The following SGMS1 variants were observed in gnomAD, a reference collection of about 807,000 sequenced individuals.
SGMS1 encodes the protein phosphatidylcholine:ceramide cholinephosphotransferase 1.
A neutral mutation model predicts 46.2 loss-of-function variants in SGMS1; 13 were observed. That is an observed-to-expected ratio of 0.28 (90% CI 0.18 to 0.45). SGMS1 has a LOEUF of 0.45. Ranked by LOEUF, SGMS1 falls within the 20% of genes least tolerant of loss-of-function variation. The pLI is 1.00. For synonymous variants in SGMS1, 203 were observed against 187.8 expected, an observed-to-expected ratio of 1.08 and a Z score of -0.66; for missense variants, 324 against 519.9, an observed-to-expected ratio of 0.62 and a Z score of 3.66.
chr10:50,493,706 A>G (rs542149487), intron 3 of SGMS1, among the ~76,000 whole-genome samples: 2 of 142,070 alleles, frequency 1.4e-5, no homozygotes, highest in Admixed American at 6.8e-5. Flanking sequence ...CAATCATATG[A>G]AAAAAAAAAA....
chr10:50,307,382 T>G lies in SGMS1; in HGVS notation c.1063-61A>C, dbSNP rs757714201. ...AATCTTTCACTTTAAGTTCAAATAC[T>G]TGCCACGCTAAAATTCCCAAAGGAC... On this transcript the variant is annotated intron_variant, in intron 10 of 10. Transcript: ENST00000361781. This position sits in a 1 kb window ranked among gnomAD's most constrained non-coding sequence, Gnocchi z 4.2. The G allele has an allele frequency of 6.6e-6, 10 of 1,506,434 alleles. No homozygotes were observed. Among genetic ancestry groups the G allele is most frequent in the Non-Finnish European group, 9.1e-6 (10 of 1,104,912 alleles). 93.3% of individuals were successfully genotyped at this position (1,506,434 alleles called of 1,614,324 possible).
intron 3 of SGMS1, among the ~76,000 whole-genome samples, chr10:50,490,899 C>T (rs1420379942): frequency 6.6e-6 from 1 of 152,210 alleles, no homozygotes; most frequent in Non-Finnish European, 1.5e-5. Flanking sequence ...CCTAAATACA[C>T]ATGTTCCAAA....
At chr10:50,497,154 T>A (rs952657818) in intron 3 of SGMS1, among the ~76,000 whole-genome samples, 2 of 152,232 alleles carry the variant, frequency 1.3e-5, no homozygotes, top group African/African-American at 4.8e-5. Context: ...ATGAGAACTC[T>A]GCCTCCACCC....
intron 6 of SGMS1, among the ~76,000 whole-genome samples, chr10:50,380,060 G>A (rs1420162428): frequency 2.6e-5 from 4 of 152,052 alleles, no homozygotes; most frequent in Non-Finnish European, 4.4e-5. Flanking sequence ...ATCAAAAAAT[G>A]GGACAGGCTG....
intron 2 of SGMS1, among the ~76,000 whole-genome samples, chr10:50,549,264 A>C (rs1838128188): frequency 6.6e-6 from 1 of 152,230 alleles, no homozygotes; most frequent in African/African-American, 2.4e-5. Flanking sequence ...TTGCAGCACT[A>C]TTCATAATAG....
At chr10:50,439,234 T>C (rs1849512163) in intron 5 of SGMS1, among the ~76,000 whole-genome samples, 1 of 152,208 alleles carries the variant, frequency 6.6e-6, no homozygotes, top group African/African-American at 2.4e-5. Flanking sequence ...AGCAAGCACC[T>C]GTAGCTTTGA....
At chr10:50,616,233 GC>G (rs1005993027) in intron 1 of SGMS1, among the ~76,000 whole-genome samples, 19 of 151,796 alleles carry the variant, frequency 1.3e-4, no homozygotes, top group Non-Finnish European at 2.6e-4. Flanking sequence ...TCCCACATCA[GC>G]CCCCCCGCCC....
In SGMS1 at chr10:50,307,301, C is replaced by T. The variant is rs748935467; in HGVS notation, c.1083G>A (p.Gln361=). The change falls in exon 11 of 11, where the codon CAG becomes CAA. Residue 361 remains glutamine (Q), a synonymous_variant. Coordinates refer to ENST00000361781, the MANE Select transcript of SGMS1 (RefSeq NM_147156.4). This position sits in a 1 kb window ranked among gnomAD's most constrained non-coding sequence, Gnocchi z 4.2. The stretch of plus-strand genomic sequence containing the variant: ...ACCACACCCTGGCCAGGAGGTTCAT[C>T]TGGGAAGCTTCCTTTAGCACCTAGG... ...ANQQVLKEAS[Q]MNLLARVWWY... 1.2e-6 allele frequency: 2 copies of T among 1,613,400 alleles called. No homozygotes were observed. The highest frequency in any genetic ancestry group is 2.2e-5 in the South Asian group (2 of 90,902).
intron 3 of SGMS1, among the ~76,000 whole-genome samples, chr10:50,477,378 A>G (rs1837436928): frequency 6.6e-6 from 1 of 152,242 alleles, no homozygotes; most frequent in African/African-American, 2.4e-5. Context: ...CTGTACTCCC[A>G]TTGTATGTTG....
In SGMS1 at chr10:50,560,238, ATAT is replaced by A. The variant is rs752673032; in HGVS notation, c.-589+29912_-589+29914del. 9.0e-3 allele frequency among the ~76,000 whole-genome samples: 1,284 copies of A among 142,914 alleles called. 9 individuals carry two copies. Among genetic ancestry groups the A allele is most frequent in the Non-Finnish European group, 0.014 (955 of 66,500 alleles). 93.8% of individuals were successfully genotyped at this position (142,914 alleles called of 152,430 possible). ...TATATATTACATAATATATAACATA[ATAT>A]TATGTAATATACATAATATCTAATG... On this transcript the variant is annotated intron_variant, in intron 2 of 10. Coordinates refer to ENST00000361781, the MANE Select transcript of SGMS1 (RefSeq NM_147156.4).
At chr10:50,368,661 TA>T (rs1258990898) in intron 6 of SGMS1, among the ~76,000 whole-genome samples, 2 of 152,252 alleles carry the variant, frequency 1.3e-5, no homozygotes, top group African/African-American at 4.8e-5. Context: ...CAGCCAATAC[TA>T]AATTTTAATG....
At chr10:50,495,230 T>G (rs1837604028) in intron 3 of SGMS1, among the ~76,000 whole-genome samples, 1 of 102,224 alleles carries the variant, frequency 9.8e-6, no homozygotes, top group South Asian at 3.2e-4. Flanking sequence ...AGAGTGAAGA[T>G]TCCGTCTCAA....
intron 2 of SGMS1, among the ~76,000 whole-genome samples, chr10:50,550,963 T>A (rs1450462825): frequency 1.3e-5 from 2 of 152,168 alleles, no homozygotes; most frequent in Non-Finnish European, 2.9e-5. Flanking sequence ...ATTAAATAAA[T>A]GGGAGCGAAT....
In SGMS1 at chr10:50,572,769, T is replaced by C. The variant is rs538848305; in HGVS notation, c.-589+17384A>G. On this transcript the variant is annotated intron_variant, in intron 2 of 10. Coordinates refer to ENST00000361781, the MANE Select transcript of SGMS1 (RefSeq NM_147156.4). ...TGAGTGCCTATCAGTTAGAAAAAGATCCTTTTTGTATTTATATAGTAATGA... is the reference window on the plus strand; with the variant it reads ...TGAGTGCCTATCAGTTAGAAAAAGACCCTTTTTGTATTTATATAGTAATGA... 2.5e-4 allele frequency among the ~76,000 whole-genome samples: 38 copies of C among 152,188 alleles called. 1 individual carries two copies. The highest frequency in any genetic ancestry group is 5.4e-4 in the Non-Finnish European group (37 of 68,044).
intron 2 of SGMS1, among the ~76,000 whole-genome samples, chr10:50,552,036 A>G (rs1410076495): frequency 6.6e-6 from 1 of 152,202 alleles, no homozygotes; most frequent in Non-Finnish European, 1.5e-5. Context: ...CAATATGCAA[A>G]CAAATTGATG....
intron 6 of SGMS1, among the ~76,000 whole-genome samples, chr10:50,398,027 T>C (rs561675940): frequency 6.6e-6 from 1 of 152,318 alleles, no homozygotes; most frequent in Admixed American, 6.5e-5. Flanking sequence ...CAGAAAGTTT[T>C]CCGTCCCTGA....
intron 7 of SGMS1, among the ~76,000 whole-genome samples, chr10:50,333,804 A>G (rs567231491): frequency 1.3e-5 from 2 of 152,362 alleles, no homozygotes; most frequent in African/African-American, 4.8e-5. Flanking sequence ...ACAGTTCATG[A>G]ATCAGGAAAA....
At chr10:50,334,809 G>A (rs1847688848) in intron 7 of SGMS1, 1 of 152,218 alleles carries the variant, frequency 6.6e-6, no homozygotes, top group African/African-American at 2.4e-5. Context: ...AAAGAAATAA[G>A]TAAAATATAG....
chr10:50,587,663 G>GTGTA (rs1838499567), intron 2 of SGMS1, among the ~76,000 whole-genome samples: 2 of 151,642 alleles, frequency 1.3e-5, no homozygotes, highest in Non-Finnish European at 2.9e-5. Flanking sequence ...GTGTGTGTGT[G>GTGTA]TGTGTGTGTG....
Sources: allele counts gnomAD v4.1 joint callset (sites outside exome capture counted in the v4.1 genomes callset), GRCh38; gene constraint gnomAD v4.1.1; non-coding constraint Gnocchi (gnomAD v3.1); transcripts MANE v1.5; gene names NCBI Gene and HGNC (gene_info 2026-07-23, HGNC 2026-07-21).